The following DDX60 variants were observed in gnomAD, a reference collection of about 807,000 sequenced individuals.
The protein encoded by DDX60 is probable ATP-dependent RNA helicase DDX60.
DDX60 carries 165 observed loss-of-function variants against 212.8 expected under a neutral mutation model. That is an observed-to-expected ratio of 0.78 (90% CI 0.68 to 0.88). The LOEUF (loss-of-function observed/expected upper bound fraction) is 0.88. Among genes scored for constraint, DDX60 ranks in the 40% least tolerant of loss-of-function variants. The pLI is 0.00. For missense variants in DDX60, 1,905 were observed against 2,003.9 expected (o/e 0.95, Z 0.94); for synonymous variants, 703 against 685.3 (o/e 1.03, Z -0.40).
rs1737128354 is a variant in DDX60, at chr4:168,311,394, T to C, written c.-106-29A>G. 3 of 865,292 alleles carry C rather than the reference T, an allele frequency of 3.5e-6. No homozygotes were observed. In the South Asian group the frequency reaches 4.9e-5, roughly 14 times the overall value. 53.6% of individuals were successfully genotyped at this position (865,292 alleles called of 1,614,324 possible). A position where few individuals can be genotyped will look rare whatever the true frequency, so the allele number is the denominator to read the frequency against. On this transcript the variant is annotated intron_variant, in intron 1 of 37. Coordinates refer to ENST00000393743, the MANE Select transcript of DDX60 (RefSeq NM_017631.6). ...CAAAAAAAGAAAAGAAAATGAGTCTTTATTCAACAAACATGTATTGAATGA... is the reference window on the plus strand; with the variant it reads ...CAAAAAAAGAAAAGAAAATGAGTCTCTATTCAACAAACATGTATTGAATGA...
intron 32 of DDX60, 49 bp from the exon 33 acceptor site, chr4:168,236,422 A>G: frequency 6.8e-7 from 1 of 1,466,886 alleles, no homozygotes; most frequent in Non-Finnish European, 9.2e-7. Context: ...GTATAATTCT[A>G]TTTTTTCATG....
chr4:168,287,120 C>T lies in DDX60; in HGVS notation c.1267G>A (p.Glu423Lys). The change falls in exon 10 of 38, where the codon GAG (glutamate) becomes AAG (lysine). Residue 423 changes from glutamate (E) to lysine (K), a missense_variant. Glu to Lys is a moderately conservative substitution (Grantham distance 56). Transcript: ENST00000393743. ...CTCAGAGGAAATGGCTGTCCAACCT[C>T]AAAGTCTCTGACCAACTTTGATACG... is the stretch of plus-strand genomic sequence containing the variant. The part of the protein sequence containing the change: ...NTVSKLVRDF[E>K]VGQPFPLRTT... 1 of 1,612,790 alleles carries T rather than the reference C, an allele frequency of 6.2e-7. No individual in the cohort carries two copies. The highest frequency in any genetic ancestry group is 8.5e-7 in the Non-Finnish European group (1 of 1,179,524).
chr4:168,227,815 C>A (rs111805298), intron 33 of DDX60, among the ~76,000 whole-genome samples: 17 of 151,484 alleles, frequency 1.1e-4, no homozygotes, highest in Non-Finnish European at 2.4e-4. Flanking sequence ...TCTTTTTTAT[C>A]CTTTGTGTAT....
At chr4:168,312,152 G>C (rs1452538277) in intron 1 of DDX60, among the ~76,000 whole-genome samples, 3 of 152,122 alleles carry the variant, frequency 2.0e-5, no homozygotes, top group African/African-American at 7.2e-5. Context: ...GAGGAAAGGG[G>C]GTTGTCAAGG....
intron 13 of DDX60, 130 bp from the exon 14 acceptor site, chr4:168,280,720 ATTTCTTTT>A: frequency 9.1e-7 from 1 of 1,100,460 alleles, no homozygotes; most frequent in East Asian, 2.6e-5. Flanking sequence ...GATGTGAAAA[ATTTCTTTT>A]TTTCTTTTGG....
At chr4:168,227,004 C>A (rs1056035666) in intron 33 of DDX60, among the ~76,000 whole-genome samples, 2 of 152,086 alleles carry the variant, frequency 1.3e-5, no homozygotes, top group South Asian at 2.1e-4. Flanking sequence ...TATTAGCCAG[C>A]CAATCATTGC....
intron 1 of DDX60, among the ~76,000 whole-genome samples, chr4:168,315,345 G>T (rs1397025354): frequency 6.6e-6 from 1 of 152,178 alleles, no homozygotes; most frequent in South Asian, 2.1e-4. Context: ...TCTAAATAGT[G>T]ATTCAATTCA....
chr4:168,293,534 C>T (rs1736202895), intron 7 of DDX60, among the ~76,000 whole-genome samples: 1 of 152,160 alleles, frequency 6.6e-6, no homozygotes, highest in African/African-American at 2.4e-5. Flanking sequence ...AATATCCTGT[C>T]TTGTTTCATT....
At chr4:168,275,981 C>T (rs2149521974) in intron 15 of DDX60, 34 bp downstream of exon 15, 1 of 1,545,466 alleles carries the variant, frequency 6.5e-7, no homozygotes, top group African/African-American at 1.4e-5. Flanking sequence ...CTAATAATTA[C>T]CCTGTTGAAA....
Position 168,267,617 on chromosome 4 carries a change from G to T in DDX60, c.3004C>A (p.His1002Asn). The change falls in exon 22 of 38, where the codon CAT becomes AAT. Residue 1002 changes from histidine to asparagine, a missense_variant. Transcript: ENST00000393743. ...GTTAGTGCAGCACATGGGTGAAAAT[G>T]ATCAAAATGAATGTCACCATGTTTT... is the stretch of plus-strand genomic sequence containing the variant. Reference protein sequence around the residue: ...SIKHGDIHFDHFHPCAALTTD... With the variant: ...SIKHGDIHFDNFHPCAALTTD... 6.2e-7 allele frequency: 1 copy of T among 1,600,970 alleles called. No homozygotes were observed. Among genetic ancestry groups the T allele is most frequent in the South Asian group, 1.1e-5 (1 of 87,866 alleles).
chr4:168,257,590 A>C (rs1734465600), intron 25 of DDX60, among the ~76,000 whole-genome samples: 1 of 152,148 alleles, frequency 6.6e-6, no homozygotes, highest in Non-Finnish European at 1.5e-5. Context: ...CTAGGAATAT[A>C]TTACTTTTTA....
intron 12 of DDX60, among the ~76,000 whole-genome samples, chr4:168,283,957 G>GT (rs1049350108): frequency 6.6e-6 from 1 of 152,110 alleles, no homozygotes; most frequent in Non-Finnish European, 1.5e-5. Context: ...CTGACTTCTT[G>GT]TATCACTGGA....
chr4:168,311,926 T>C (rs1424950228), intron 1 of DDX60, among the ~76,000 whole-genome samples: 1 of 152,162 alleles, frequency 6.6e-6, no homozygotes, highest in Non-Finnish European at 1.5e-5. Context: ...AAAAGATTAG[T>C]CCAGCTACAA....
rs368802134 is a variant in DDX60, at chr4:168,285,896, AAAGGAAGGAAGGAAGG to A, written c.1340-414_1340-399del. Among the ~76,000 whole-genome samples the A allele has an allele frequency of 2.3e-3, 267 of 114,762 alleles. 2 individuals are homozygous for A. The highest frequency in any genetic ancestry group is 4.7e-3 in the Middle Eastern group (1 of 214). The allele number at this position is 114,762 out of a possible 152,430, so 75.3% of individuals were successfully genotyped here. A position where few individuals can be genotyped will look rare whatever the true frequency, so the allele number is the denominator to read the frequency against. Reference sequence around the variant, plus strand: ...GGGAAGAAGAAAGGAAGGAGGGAAGAAAGGAAGGAAGGAAGGAAGGAAGGAAGGAAGGAAGGAAGGA... The same window carrying A: ...GGGAAGAAGAAAGGAAGGAGGGAAGAAAGGAAGGAAGGAAGGAAGGAAGGA... On this transcript the variant is annotated intron_variant, in intron 10 of 37. Transcript: ENST00000393743.
intron 20 of DDX60, among the ~76,000 whole-genome samples, chr4:168,268,413 G>A (rs1734943403): frequency 6.6e-6 from 1 of 151,988 alleles, no homozygotes; most frequent in African/African-American, 2.4e-5. Context: ...TTAGTAGTAG[G>A]CAAAAATCAA....
In DDX60 at chr4:168,216,993, G is replaced by A. The variant is rs775611019; in HGVS notation, c.5079C>T (p.Asn1693=). The part of the protein sequence containing the change: ...LRELCENEDD[N]VVLAFEQLST... ...TCAGTTGTTCAAAGGCTAAGACAAC[G>A]TTGTCGTCTTCATTTTCACATAGCT... Residue 1693 remains asparagine, a synonymous_variant, in exon 38 of 38, where the codon AAC becomes AAT. Coordinates refer to ENST00000393743, the MANE Select transcript of DDX60 (RefSeq NM_017631.6). 3 of 1,604,828 alleles carry A rather than the reference G, an allele frequency of 1.9e-6. No homozygotes were observed. Among genetic ancestry groups the A allele is most frequent in the South Asian group, 1.1e-5 (1 of 88,508 alleles).
intron 35 of DDX60, 152 bp downstream of exon 35, chr4:168,224,091 G>A (rs1733160782): frequency 1.3e-6 from 1 of 784,020 alleles, no homozygotes; most frequent in African/African-American, 1.8e-5. Context: ...TTGACTTCAA[G>A]AGCACCAATT....
chr4:168,253,482 C>T (rs937442366), intron 26 of DDX60, among the ~76,000 whole-genome samples: 2 of 152,078 alleles, frequency 1.3e-5, no homozygotes, highest in Admixed American at 1.3e-4. Context: ...TGACAGAGGC[C>T]TCTTGGAGAT....
chr4:168,321,056 A>G (rs1737601670), upstream of DDX60, among the ~76,000 whole-genome samples: 1 of 152,234 alleles, frequency 6.6e-6, no homozygotes, highest in South Asian at 2.1e-4. Flanking sequence ...GACCGGATTT[A>G]TCAGGTGAGA....
Sources: allele counts gnomAD v4.1 joint callset (sites outside exome capture counted in the v4.1 genomes callset), GRCh38; gene constraint gnomAD v4.1.1; transcripts MANE v1.5; gene names NCBI Gene and HGNC (gene_info 2026-07-23, HGNC 2026-07-21).